Variants in TBC1D5 observed in about 807,000 individuals in gnomAD.
The protein encoded by TBC1D5 is TBC1 domain family member 5.
TBC1D5 carries 75 observed loss-of-function variants against 100.3 expected under a neutral mutation model. That is an observed-to-expected ratio of 0.75 (90% CI 0.62 to 0.91). The LOEUF (loss-of-function observed/expected upper bound fraction) is 0.91. Ranked by LOEUF, TBC1D5 falls within the 40% of genes least tolerant of loss-of-function variation. The pLI is 0.00. For missense variants in TBC1D5, 910 were observed against 942.4 expected, an observed-to-expected ratio of 0.97 and a Z score of 0.45; for synonymous variants, 323 against 325.6, an observed-to-expected ratio of 0.99 and a Z score of 0.09.
intron 8 of TBC1D5, among the ~76,000 whole-genome samples, chr3:17,392,174 AC>A (rs1007982626): frequency 2.6e-5 from 4 of 152,074 alleles, no homozygotes; most frequent in Admixed American, 2.0e-4. Flanking sequence ...GCCACAGAGA[AC>A]CCTTCAGTCA....
rs759087692 is a variant in TBC1D5 at position 17,502,363 on chromosome 3, G to T, written c.97+6111C>A. 2.7e-5 allele frequency among the ~76,000 whole-genome samples: 4 copies of T among 149,492 alleles called. 1 individual carries two copies. The highest frequency in any genetic ancestry group is 4.4e-5 in the Non-Finnish European group (3 of 67,918). On this transcript the variant is annotated intron_variant, in intron 3 of 21. Transcript: ENST00000253692. ...AACTTCAGTAATCTCTGGCAGTTTT[G>T]CTCATTCTCCTCTTGACATCTTAGC...
chr3:17,177,041 G>A (rs541597733), intron 19 of TBC1D5, among the ~76,000 whole-genome samples: 2 of 152,240 alleles, frequency 1.3e-5, no homozygotes, highest in East Asian at 3.9e-4. Context: ...AAGAGACAGA[G>A]AAACCAAAAT....
At chr3:17,713,615 G>A (rs978090029) in intron 1 of TBC1D5, among the ~76,000 whole-genome samples, 9 of 151,908 alleles carry the variant, frequency 5.9e-5, no homozygotes, top group African/African-American at 2.2e-4. Flanking sequence ...ACAGAATGGG[G>A]GAAAAATGTT....
intron 14 of TBC1D5, among the ~76,000 whole-genome samples, chr3:17,302,618 C>T (rs1278769355): frequency 6.6e-6 from 1 of 152,116 alleles, no homozygotes; most frequent in African/African-American, 2.4e-5. Context: ...AGACATTTGA[C>T]CCAGAGAAAG....
intron 3 of TBC1D5, among the ~76,000 whole-genome samples, chr3:17,485,814 G>A (rs968111863): frequency 1.3e-5 from 2 of 151,914 alleles, no homozygotes; most frequent in Non-Finnish European, 2.9e-5. Flanking sequence ...GTGTGCATGT[G>A]TCTTTATAGC....
At chr3:17,342,422 T>A (rs911305597) in intron 13 of TBC1D5, among the ~76,000 whole-genome samples, 17 of 152,202 alleles carry the variant, frequency 1.1e-4, no homozygotes, top group Admixed American at 2.6e-4. Context: ...ATCACATGCC[T>A]CTTATTTACA....
chr3:17,476,257 GT>G, intron 3 of TBC1D5, among the ~76,000 whole-genome samples: 3 of 151,692 alleles, frequency 2.0e-5, no homozygotes, highest in Middle Eastern at 6.8e-3. Context: ...TCTTCTAAAA[GT>G]TTTATAGTTT....
rs531943529 is a variant in TBC1D5, at chr3:17,727,588, T to C, written c.-101+11755A>G. On this transcript the variant is annotated intron_variant, in intron 1 of 21. Coordinates refer to ENST00000253692, the Ensembl canonical transcript of TBC1D5. ...TAATCGTCCACAAATCTACATGAAA[T>C]AAATGATTTTGCTAGAAAAACACAA... Among the ~76,000 whole-genome samples, 3 of 152,210 alleles carry C rather than the reference T, an allele frequency of 2.0e-5. No homozygotes were observed. In the East Asian group the frequency reaches 5.8e-4, roughly 29 times the overall value.
intron 3 of TBC1D5, among the ~76,000 whole-genome samples, chr3:17,460,806 TA>T (rs200355442): frequency 7.3e-4 from 110 of 151,056 alleles, no homozygotes; most frequent in African/African-American, 2.1e-3. Flanking sequence ...AATTATACAA[TA>T]AAAAAAATTA....
chr3:17,547,243 A>T (rs2096426211), intron 2 of TBC1D5, among the ~76,000 whole-genome samples: 2 of 152,222 alleles, frequency 1.3e-5, no homozygotes, highest in South Asian at 4.1e-4. Context: ...ATATCTAAAA[A>T]CAATAAATAT....
chr3:17,654,331 GA>G (rs999883024), intron 1 of TBC1D5, among the ~76,000 whole-genome samples: 23 of 151,918 alleles, frequency 1.5e-4, no homozygotes, highest in South Asian at 4.2e-4. Flanking sequence ...TGAAATGATT[GA>G]AAAAAAATTT....
At chr3:17,717,092 T>C (rs2075300597) in intron 1 of TBC1D5, among the ~76,000 whole-genome samples, 1 of 151,878 alleles carries the variant, frequency 6.6e-6, no homozygotes, top group African/African-American at 2.4e-5. Flanking sequence ...TCAAAAAAGG[T>C]TACAAAATTT....
At chr3:17,643,071 C>G (rs1042502103) in intron 1 of TBC1D5, among the ~76,000 whole-genome samples, 1 of 152,062 alleles carries the variant, frequency 6.6e-6, no homozygotes, top group Non-Finnish European at 1.5e-5. Flanking sequence ...AGAATCCTAT[C>G]CAGGATTCCA....
chr3:17,182,846 C>G (rs1393712441), intron 19 of TBC1D5, among the ~76,000 whole-genome samples: 1 of 152,002 alleles, frequency 6.6e-6, no homozygotes, highest in Non-Finnish European at 1.5e-5. Context: ...CCCCATTTTT[C>G]TAAGAGAAAG....
At chr3:17,479,492 G>C (rs1460839426) in intron 3 of TBC1D5, among the ~76,000 whole-genome samples, 1 of 152,212 alleles carries the variant, frequency 6.6e-6, no homozygotes, top group Non-Finnish European at 1.5e-5. Context: ...GCAAAACTCT[G>C]TGATACATTT....
At chr3:17,206,260 T>C (rs1238692375) in intron 18 of TBC1D5, among the ~76,000 whole-genome samples, 1 of 152,244 alleles carries the variant, frequency 6.6e-6, no homozygotes, top group Non-Finnish European at 1.5e-5. Context: ...ACTGTTCATA[T>C]GGCATTTAAT....
chr3:17,296,437 ACC>A, intron 14 of TBC1D5, among the ~76,000 whole-genome samples: 1 of 152,278 alleles, frequency 6.6e-6, no homozygotes, highest in African/African-American at 2.4e-5. Flanking sequence ...CAGCATCTTC[ACC>A]TTTATTTAAA....
intron 14 of TBC1D5, among the ~76,000 whole-genome samples, chr3:17,307,035 T>G (rs905675021): frequency 1.3e-5 from 2 of 152,164 alleles, no homozygotes; most frequent in African/African-American, 2.4e-5. Flanking sequence ...GTCACTTATT[T>G]AAGTAATTTT....
At chr3:17,317,501 G>A (rs1398479981) in intron 13 of TBC1D5, among the ~76,000 whole-genome samples, 1 of 152,116 alleles carries the variant, frequency 6.6e-6, no homozygotes, top group East Asian at 1.9e-4. Flanking sequence ...ACTAGTGAAA[G>A]CTAAATGGAA....
Sources: allele counts gnomAD v4.1 joint callset (sites outside exome capture counted in the v4.1 genomes callset), GRCh38; gene constraint gnomAD v4.1.1; transcripts MANE v1.5; gene names NCBI Gene and HGNC (gene_info 2026-07-23, HGNC 2026-07-21).